The following MACROD1 variants were observed in gnomAD, a reference collection of about 807,000 sequenced individuals.
MACROD1 encodes ADP-ribose glycohydrolase MACROD1.
Under a neutral mutation model 41.4 loss-of-function variants are expected in MACROD1, and 31 were observed. That is an observed-to-expected ratio of 0.75 (90% CI 0.56 to 1.01). The LOEUF (loss-of-function observed/expected upper bound fraction) is 1.01. Ranked by LOEUF, MACROD1 falls within the 50% of genes least tolerant of loss-of-function variation. The pLI, the probability that MACROD1 is intolerant of heterozygous loss-of-function variation, is 0.00. For synonymous variants in MACROD1, 252 were observed against 203.4 expected, an observed-to-expected ratio of 1.24 and a Z score of -2.03; for missense variants, 473 against 460.0, an observed-to-expected ratio of 1.03 and a Z score of -0.26.
In MACROD1 at chr11:64,165,789, A is replaced by ACCG; in HGVS notation, c.203_205dup (p.Ala68dup). 6.8e-7 allele frequency: 1 copy of ACCG among 1,481,366 alleles called. No homozygotes were observed. The allele number at this position is 1,481,366 out of a possible 1,614,324, so 91.8% of individuals were successfully genotyped here. On this transcript the variant is annotated inframe_insertion, in exon 1 of 11. Coordinates refer to ENST00000255681, the MANE Select transcript of MACROD1 (RefSeq NM_014067.4). ...AGTGCGCACCCCGGCTGTCCGCCCC[A>ACCG]CCGCCGCCGCCCCCCACGCCCCAAC...
intron 3 of MACROD1, among the ~76,000 whole-genome samples, chr11:64,019,582 C>T (rs1481284381): frequency 6.6e-6 from 1 of 152,230 alleles, no homozygotes; most frequent in African/African-American, 2.4e-5. Context: ...GCCCGAGGCA[C>T]AGGTGGCACC....
chr11:64,144,479 G>A (rs1565257999), intron 3 of MACROD1, among the ~76,000 whole-genome samples: 1 of 152,210 alleles, frequency 6.6e-6, no homozygotes, highest in African/African-American at 2.4e-5. Flanking sequence ...CCGAGGTGGG[G>A]CTTGTTATCT....
intron 3 of MACROD1, among the ~76,000 whole-genome samples, chr11:64,144,835 A>C (rs1945470554): frequency 6.6e-6 from 1 of 152,262 alleles, no homozygotes; most frequent in Non-Finnish European, 1.5e-5. Context: ...TGACAGATAA[A>C]GCGATTTACG....
intron 3 of MACROD1, among the ~76,000 whole-genome samples, chr11:64,047,624 C>A (rs1038012750): frequency 2.0e-5 from 3 of 152,088 alleles, no homozygotes; most frequent in African/African-American, 7.2e-5. Context: ...AGGCCGGGCG[C>A]GGTGGCTTAT....
chr11:64,138,630 T>G (rs1008579557), intron 3 of MACROD1: 1 of 801,850 alleles, frequency 1.2e-6, no homozygotes, highest in African/African-American at 1.9e-5. Context: ...TCTCCCCAAC[T>G]GCGATGCCGC....
intron 3 of MACROD1, among the ~76,000 whole-genome samples, chr11:64,019,398 C>T (rs1312311350): frequency 6.6e-6 from 1 of 152,234 alleles, no homozygotes; most frequent in Non-Finnish European, 1.5e-5. Context: ...GACTCCCACA[C>T]ACCCCTCCTC....
chr11:64,100,016 G>A lies in MACROD1; in HGVS notation c.517+51223C>T, dbSNP rs1944644082. ...GTTTCTCTTGCGCTGTCTTGGAGTA[G>A]TGCAGCAAGAAGGAAACTGGCCTGG... is the stretch of plus-strand genomic sequence containing the variant. On this transcript the variant is annotated intron_variant, in intron 3 of 10. Coordinates refer to ENST00000255681, the MANE Select transcript of MACROD1 (RefSeq NM_014067.4). 1.3e-5 allele frequency among the ~76,000 whole-genome samples: 2 copies of A among 152,172 alleles called. 1 individual carries two copies. Among genetic ancestry groups the A allele is most frequent in the Non-Finnish European group, 2.9e-5 (2 of 68,034 alleles).
intron 3 of MACROD1, among the ~76,000 whole-genome samples, chr11:64,135,772 C>T (rs1049079951): frequency 2.0e-5 from 3 of 152,170 alleles, no homozygotes; most frequent in Non-Finnish European, 4.4e-5. Context: ...CGAGGGCCCA[C>T]GGCAGCCAGA....
intron 1 of MACROD1, among the ~76,000 whole-genome samples, chr11:64,164,420 C>T (rs1369683067): frequency 1.3e-5 from 2 of 152,230 alleles, no homozygotes; most frequent in Non-Finnish European, 2.9e-5. Flanking sequence ...TCTTTCCCAC[C>T]CTCCTGGGTT....
rs2134541395 is a variant in MACROD1, at chr11:64,096,268, AAAG to A, written c.517+54968_517+54970del. On this transcript the variant is annotated intron_variant, in intron 3 of 10. Transcript: ENST00000255681. This position sits in a 1 kb window ranked among gnomAD's most constrained non-coding sequence, Gnocchi z 4.6. The stretch of plus-strand genomic sequence containing the variant: ...CCGACAAAAGCAGGCCAATTTCCTG[AAAG>A]AAGAGGTTCCGGCCTTGGCTGGTGG... Among the ~76,000 whole-genome samples the A allele has an allele frequency of 6.6e-6, 1 of 152,312 alleles. No individual in the cohort carries two copies. Among genetic ancestry groups the A allele is most frequent in the South Asian group, 2.1e-4 (1 of 4,826 alleles).
intron 3 of MACROD1, among the ~76,000 whole-genome samples, chr11:64,119,485 G>A (rs1219075716): frequency 6.6e-6 from 1 of 151,782 alleles, no homozygotes; most frequent in Non-Finnish European, 1.5e-5. Context: ...TGTGCTGAAT[G>A]TTCCCTCCTA....
rs1945081990 is a variant in MACROD1 at position 64,120,615 on chromosome 11, G to A, written c.517+30624C>T. Reference sequence around the variant, plus strand: ...CAGGAGAATCGCTTGAACCAGGGAGGCAGAGGCTGCAGTGAACCGAGATTG... The same window carrying A: ...CAGGAGAATCGCTTGAACCAGGGAGACAGAGGCTGCAGTGAACCGAGATTG... On this transcript the variant is annotated intron_variant, in intron 3 of 10. Coordinates refer to ENST00000255681, the MANE Select transcript of MACROD1 (RefSeq NM_014067.4). This position sits in a 1 kb window ranked among gnomAD's most constrained non-coding sequence, Gnocchi z 4.5. 6.6e-6 allele frequency among the ~76,000 whole-genome samples: 1 copy of A among 152,050 alleles called. No individual in the cohort carries two copies. The highest frequency in any genetic ancestry group is 2.1e-4 in the South Asian group (1 of 4,822).
chr11:64,108,313 C>CAAAA (rs59331409), intron 3 of MACROD1, among the ~76,000 whole-genome samples: 4 of 100,848 alleles, frequency 4.0e-5, no homozygotes, highest in Admixed American at 3.2e-4. Flanking sequence ...AACTCTGTCT[C>CAAAA]AAAAAAAAAA....
In MACROD1 at chr11:64,082,319, T is replaced by G. The variant is rs1590881688; in HGVS notation, c.518-67038A>C. 1.3e-5 allele frequency among the ~76,000 whole-genome samples: 2 copies of G among 149,380 alleles called. No individual in the cohort carries two copies. The highest frequency in any genetic ancestry group is 2.5e-5 in the African/African-American group (1 of 40,318). On this transcript the variant is annotated intron_variant, in intron 3 of 10. Transcript: ENST00000255681. The surrounding 1 kb of genome is among the most constrained non-coding windows in gnomAD (Gnocchi z 4.5). ...CTGAGCAGCCAGCAGAGACGCTGGGTGGAGGATGATCCGGGGGGACCGTGG... is the reference window on the plus strand; with the variant it reads ...CTGAGCAGCCAGCAGAGACGCTGGGGGGAGGATGATCCGGGGGGACCGTGG...
chr11:64,002,103 G>A (rs1264523788), intron 4 of MACROD1, among the ~76,000 whole-genome samples: 1 of 152,206 alleles, frequency 6.6e-6, no homozygotes, highest in Non-Finnish European at 1.5e-5. Context: ...GGGCATGTTC[G>A]GGTATGTGTA....
At chr11:64,128,480 G>A (rs1172859679) in intron 3 of MACROD1, among the ~76,000 whole-genome samples, 1 of 152,132 alleles carries the variant, frequency 6.6e-6, no homozygotes, top group Admixed American at 6.5e-5. Flanking sequence ...TGGGGAACCA[G>A]ATTTCCACAG....
At position 64,021,940 on chromosome 11, in the gene MACROD1, G is replaced by C. The variant is rs1230365019; in HGVS notation, c.518-6659C>G. Among the ~76,000 whole-genome samples, 14 of 65,550 alleles carry C rather than the reference G, an allele frequency of 2.1e-4. 2 individuals carry two copies. Among genetic ancestry groups the C allele is most frequent in the Non-Finnish European group, 1.4e-4 (4 of 28,372 alleles). The allele number at this position is 65,550 out of a possible 152,430, so 43.0% of individuals were successfully genotyped here. Reference sequence around the variant, plus strand: ...AAGGGAGTGGCAGGGGGCCGGGGGGGGGGGGGGGGGGTGTGAGGTGGCGGC... The same window carrying C: ...AAGGGAGTGGCAGGGGGCCGGGGGGCGGGGGGGGGGGTGTGAGGTGGCGGC... On this transcript the variant is annotated intron_variant, in intron 3 of 10. Transcript: ENST00000255681.
Position 64,064,303 on chromosome 11 carries a change from G to A in MACROD1, c.518-49022C>T, listed in dbSNP as rs561596156. On this transcript the variant is annotated intron_variant, in intron 3 of 10. Coordinates refer to ENST00000255681, the MANE Select transcript of MACROD1 (RefSeq NM_014067.4). The surrounding 1 kb of genome is among the most constrained non-coding windows in gnomAD (Gnocchi z 4.5). Reference sequence around the variant, plus strand: ...TCTCCACGTGCAGCCCTGTTCAGGCGGCGGGTAGGGGGGTGATGTCTCATC... The same window carrying A: ...TCTCCACGTGCAGCCCTGTTCAGGCAGCGGGTAGGGGGGTGATGTCTCATC... Among the ~76,000 whole-genome samples the A allele has an allele frequency of 4.6e-5, 7 of 152,202 alleles. No individual in the cohort carries two copies. The highest frequency in any genetic ancestry group is 8.8e-5 in the Non-Finnish European group (6 of 68,042).
intron 3 of MACROD1, among the ~76,000 whole-genome samples, chr11:64,045,774 G>C (rs557644816): frequency 6.6e-6 from 1 of 152,314 alleles, no homozygotes; most frequent in East Asian, 1.9e-4. Context: ...GGGATGAGAA[G>C]GAATTCAGAA....
Sources: allele counts gnomAD v4.1 joint callset (sites outside exome capture counted in the v4.1 genomes callset), GRCh38; gene constraint gnomAD v4.1.1; non-coding constraint Gnocchi (gnomAD v3.1); transcripts MANE v1.5; gene names NCBI Gene and HGNC (gene_info 2026-07-23, HGNC 2026-07-21).